Variants in TMEM178B observed in about 807,000 individuals in gnomAD.
The protein encoded by TMEM178B is transmembrane protein 178B.
Under a neutral mutation model 31.0 loss-of-function variants are expected in TMEM178B, and 5 were observed. That is an observed-to-expected ratio of 0.16 (90% CI 0.08 to 0.34). TMEM178B has a LOEUF of 0.34. TMEM178B is among the 10% of genes least tolerant of loss of function. The pLI is 1.00. For missense variants in TMEM178B, 275 were observed against 400.3 expected, an observed-to-expected ratio of 0.69 and a Z score of 2.67; for synonymous variants, 164 against 164.0, an observed-to-expected ratio of 1.00 and a Z score of 0.00.
intron 1 of TMEM178B, among the ~76,000 whole-genome samples, chr7:141,083,067 T>G (rs1301008626): frequency 6.6e-6 from 1 of 152,132 alleles, no homozygotes; most frequent in African/African-American, 2.4e-5. Flanking sequence ...TAAACACACT[T>G]GGGTTAGTTT....
chr7:141,494,268 G>A, the TMEM178B span, among the ~76,000 whole-genome samples: 3 of 152,124 alleles, frequency 2.0e-5, no homozygotes, highest in East Asian at 1.9e-4. Flanking sequence ...TATTGAATTC[G>A]GTGGACACAA....
At position 141,365,613 on chromosome 7, in the gene TMEM178B, G is replaced by A. The variant is rs964527043; in HGVS notation, c.497-71995G>A. On this transcript the variant is annotated intron_variant, in intron 2 of 3. Coordinates refer to ENST00000565468, the MANE Select transcript of TMEM178B (RefSeq NM_001195278.2). ...TTTCTGTTTTCAGTGGAAGATAAAT[G>A]GACTGGCCTGGCTTACAGCATATCT... is the stretch of plus-strand genomic sequence containing the variant. Among the ~76,000 whole-genome samples the A allele has an allele frequency of 3.3e-5, 5 of 152,328 alleles. No individual in the cohort carries two copies. In the East Asian group the frequency reaches 9.6e-4, roughly 29 times the overall value.
At chr7:141,114,619 T>G (rs1333780807) in intron 1 of TMEM178B, among the ~76,000 whole-genome samples, 7 of 152,254 alleles carry the variant, frequency 4.6e-5, no homozygotes, top group Non-Finnish European at 8.8e-5. Flanking sequence ...CTATTCTATT[T>G]GTCTCTTTCC....
chr7:141,094,026 C>A (rs2129172630), intron 1 of TMEM178B, among the ~76,000 whole-genome samples: 1 of 152,194 alleles, frequency 6.6e-6, no homozygotes, highest in African/African-American at 2.4e-5. Context: ...TTAAGTTTTT[C>A]TTTTTAAATT....
chr7:141,451,425 G>GT (rs1801860599), intron 3 of TMEM178B, among the ~76,000 whole-genome samples: 1 of 152,162 alleles, frequency 6.6e-6, no homozygotes, highest in South Asian at 2.1e-4. Flanking sequence ...CTCGCTTAGA[G>GT]TTTAAGTACC....
intron 2 of TMEM178B, among the ~76,000 whole-genome samples, chr7:141,381,261 G>C (rs1239417534): frequency 6.6e-6 from 1 of 152,158 alleles, no homozygotes; most frequent in East Asian, 1.9e-4. Context: ...TCATGGCCTT[G>C]CTCACATCTC....
At chr7:141,212,779 G>T in intron 2 of TMEM178B, 75 bp downstream of exon 2, 2 of 1,169,818 alleles carry the variant, frequency 1.7e-6, no homozygotes, top group Non-Finnish European at 2.5e-6. Flanking sequence ...GATTGGATGT[G>T]CCTCCTTCTG....
At chr7:141,228,787 G>C (rs1797387504) in intron 2 of TMEM178B, among the ~76,000 whole-genome samples, 1 of 152,122 alleles carries the variant, frequency 6.6e-6, no homozygotes, top group East Asian at 1.9e-4. Context: ...ATCCATCCTG[G>C]TGGGGTGTGG....
chr7:141,215,788 TTCTTTCTTTCTTTC>T (rs1339622340), intron 2 of TMEM178B, among the ~76,000 whole-genome samples: 821 of 67,714 alleles, frequency 0.012, 12 homozygotes, highest in African/African-American at 0.038. Context: ...CTTTCTTTCT[TTCTTTCTTTCTTTC>T]TTTCTTTCTT....
In TMEM178B at chr7:141,298,024, T is replaced by C. The variant is rs1476244688; in HGVS notation, c.496+85320T>C. ...TACATCCTCTCCAGCACCTGTTGTT[T>C]CTTGACTTTTTAATGATCACCATTT... On this transcript the variant is annotated intron_variant, in intron 2 of 3. Transcript: ENST00000565468. 2.0e-5 allele frequency among the ~76,000 whole-genome samples: 3 copies of C among 152,356 alleles called. No homozygotes were observed. The East Asian group carries it at 5.8e-4, about 29-fold the overall frequency.
chr7:141,090,617 CA>C (rs1224668295), intron 1 of TMEM178B, among the ~76,000 whole-genome samples: 3 of 152,152 alleles, frequency 2.0e-5, no homozygotes, highest in Non-Finnish European at 2.9e-5. Context: ...TCATGACTTT[CA>C]AAATGAGTGG....
rs1198706724 is a variant in TMEM178B, at chr7:141,278,615, A to G, written c.496+65911A>G. On this transcript the variant is annotated intron_variant, in intron 2 of 3. Coordinates refer to ENST00000565468, the MANE Select transcript of TMEM178B (RefSeq NM_001195278.2). ...TAAAAAATAAAAAAATAAAAAATAAAGATTGCAAATGCCTCTTGAGGGGTA... is the reference window on the plus strand; with the variant it reads ...TAAAAAATAAAAAAATAAAAAATAAGGATTGCAAATGCCTCTTGAGGGGTA... Among the ~76,000 whole-genome samples, 4 of 152,116 alleles carry G rather than the reference A, an allele frequency of 2.6e-5. No individual in the cohort carries two copies. The East Asian group carries it at 7.7e-4, about 29-fold the overall frequency.
At chr7:141,281,515 G>A (rs548098221) in intron 2 of TMEM178B, among the ~76,000 whole-genome samples, 33 of 152,314 alleles carry the variant, frequency 2.2e-4, no homozygotes, top group Non-Finnish European at 4.3e-4. Flanking sequence ...ACTGCAGGGC[G>A]TGATACTGGG....
chr7:141,303,945 T>C (rs1488668574), intron 2 of TMEM178B, among the ~76,000 whole-genome samples: 1 of 152,202 alleles, frequency 6.6e-6, no homozygotes, highest in African/African-American at 2.4e-5. Flanking sequence ...ATTTTAGAGA[T>C]GAAAGAAATG....
chr7:141,281,456 T>C (rs1033329309), intron 2 of TMEM178B, among the ~76,000 whole-genome samples: 1 of 152,156 alleles, frequency 6.6e-6, no homozygotes, highest in South Asian at 2.1e-4. Context: ...TAGTCTCTAG[T>C]TGAGGACTGA....
chr7:141,470,481 C>T, intron 3 of TMEM178B, 55 bp from the exon 4 acceptor site: 10 of 1,412,884 alleles, frequency 7.1e-6, no homozygotes, highest in Non-Finnish European at 9.3e-6. Flanking sequence ...TCTCCCGCTC[C>T]TCTCCCCTTT....
chr7:141,155,962 G>A (rs1239152999), intron 1 of TMEM178B, among the ~76,000 whole-genome samples: 2 of 152,178 alleles, frequency 1.3e-5, no homozygotes, highest in African/African-American at 2.4e-5. Context: ...CTACTTGAGA[G>A]GCTGAGGCAG....
chr7:141,484,138 ATATTT>A (rs1386205965), downstream of TMEM178B, among the ~76,000 whole-genome samples: 1 of 152,214 alleles, frequency 6.6e-6, no homozygotes, highest in Non-Finnish European at 1.5e-5. The surrounding 1 kb of genome is among the most constrained non-coding windows in gnomAD (Gnocchi z 4.8). Context: ...GGATATATTA[ATATTT>A]TAAGTGAAAA....
At chr7:141,175,358 A>G (rs1476470788) in intron 1 of TMEM178B, among the ~76,000 whole-genome samples, 1 of 152,168 alleles carries the variant, frequency 6.6e-6, no homozygotes, top group African/African-American at 2.4e-5. Flanking sequence ...TCTTTTGGTT[A>G]CTGTAGCCTT....
Sources: allele counts gnomAD v4.1 joint callset (sites outside exome capture counted in the v4.1 genomes callset), GRCh38; gene constraint gnomAD v4.1.1; non-coding constraint Gnocchi (gnomAD v3.1); transcripts MANE v1.5; gene names NCBI Gene and HGNC (gene_info 2026-07-23, HGNC 2026-07-21).